Variants in DDX60L observed in about 807,000 individuals in gnomAD.
DDX60L encodes DExD/H-box 60 like.
A neutral mutation model predicts 211.6 loss-of-function variants in DDX60L; 191 were observed. The ratio of observed to expected loss-of-function variants is 0.90; its 90% confidence interval spans 0.80 to 1.02. The LOEUF is 1.02. Among genes scored for constraint, DDX60L ranks in the 50% least tolerant of loss-of-function variants. The pLI is 0.00. For missense variants in DDX60L, 2,007 were observed against 1,984.1 expected, an observed-to-expected ratio of 1.01 and a Z score of -0.22; for synonymous variants, 706 against 694.1, an observed-to-expected ratio of 1.02 and a Z score of -0.27.
intron 33 of DDX60L, 125 bp downstream of exon 33, chr4:168,378,229 G>T: frequency 4.0e-6 from 2 of 504,404 alleles, no homozygotes; most frequent in Non-Finnish European, 6.7e-6. Flanking sequence ...ATTATGAAAA[G>T]ACAACACTAT....
chr4:168,422,978 T>C (rs1361338113), intron 15 of DDX60L, among the ~76,000 whole-genome samples: 1 of 148,924 alleles, frequency 6.7e-6, no homozygotes, highest in East Asian at 1.9e-4. Flanking sequence ...ATTGTGTGTG[T>C]GTGTGTGTGT....
In DDX60L at chr4:168,448,950, C is replaced by T. The variant is rs1755242186; in HGVS notation, c.997-171G>A. On this transcript the variant is annotated intron_variant, in intron 8 of 37. Transcript: ENST00000682922. Reference sequence around the variant, plus strand: ...CTATAAGTCCCCAAACTAATGCTTTCATATCTTTACTTTTAAAACTGGGAA... The same window carrying T: ...CTATAAGTCCCCAAACTAATGCTTTTATATCTTTACTTTTAAAACTGGGAA... Among the ~76,000 whole-genome samples, 3 of 152,136 alleles carry T rather than the reference C, an allele frequency of 2.0e-5. 1 individual carries two copies. The highest frequency in any genetic ancestry group is 2.0e-4 in the Admixed American group (3 of 15,270).
At chr4:168,434,114 G>A (rs927257183) in intron 10 of DDX60L, among the ~76,000 whole-genome samples, 2 of 152,052 alleles carry the variant, frequency 1.3e-5, no homozygotes, top group African/African-American at 4.8e-5. Context: ...ATCTAGTGGT[G>A]TGTGTTTGTG....
At chr4:168,375,281 C>G in intron 34 of DDX60L, 96 bp downstream of exon 34, 1 of 1,356,128 alleles carries the variant, frequency 7.4e-7, no homozygotes. Context: ...TAATAAGCTC[C>G]TTTACCAGCT....
chr4:168,429,891 C>T (rs1035686105), intron 13 of DDX60L, among the ~76,000 whole-genome samples: 2 of 152,164 alleles, frequency 1.3e-5, no homozygotes, highest in African/African-American at 4.8e-5. Flanking sequence ...CCTTTGTCTT[C>T]TATCATGATT....
intron 25 of DDX60L, among the ~76,000 whole-genome samples, chr4:168,402,440 T>A (rs953809671): frequency 2.5e-4 from 38 of 151,876 alleles, no homozygotes; most frequent in Non-Finnish European, 5.0e-4. Flanking sequence ...AAAAAAAAAA[T>A]TCTAGTGAAT....
rs1444510586 is a variant in DDX60L at position 168,379,754 on chromosome 4, A to G, written c.4193T>C (p.Leu1398Ser). The change falls in exon 31 of 38, where the codon TTG becomes TCG. Residue 1398 changes from leucine to serine, a missense_variant. Physicochemically the swap from Leu to Ser is moderately radical, Grantham distance 145 (BLOSUM62 -2). Coordinates refer to ENST00000682922, the MANE Select transcript of DDX60L (RefSeq NM_001012967.3). ...RAMETLKLYFLFSLQLLIKED... is the reference protein window; with the variant it reads ...RAMETLKLYFSFSLQLLIKED... ...TTTGATAAGGAGCTGCAAGGAAAAC[A>G]AAAAGTAAAGTTTCAAAGTCTCCAT... 6.2e-7 allele frequency: 1 copy of G among 1,613,270 alleles called. No homozygotes were observed.
At chr4:168,386,504 T>C (rs1396913171) in intron 29 of DDX60L, among the ~76,000 whole-genome samples, 2 of 150,686 alleles carry the variant, frequency 1.3e-5, no homozygotes, top group Non-Finnish European at 2.9e-5. Flanking sequence ...GCGGTCTTCA[T>C]AATAATCCAG....
intron 13 of DDX60L, 43 bp downstream of exon 13, chr4:168,430,435 A>T: frequency 6.6e-7 from 1 of 1,516,796 alleles, no homozygotes; most frequent in South Asian, 1.4e-5. Flanking sequence ...AGAAAACAAA[A>T]CAACATCAAA....
intron 20 of DDX60L, 48 bp from the exon 21 acceptor site, chr4:168,415,847 T>C: frequency 7.4e-7 from 1 of 1,360,248 alleles, no homozygotes; most frequent in East Asian, 2.7e-5. Context: ...TAGAAGTATT[T>C]ATCAAGAACT....
chr4:168,359,049 G>C (rs1738658422), intron 37 of DDX60L, among the ~76,000 whole-genome samples: 1 of 152,140 alleles, frequency 6.6e-6, no homozygotes, highest in African/African-American at 2.4e-5. Flanking sequence ...ATAGAAGCTG[G>C]GGTGAATGAG....
chr4:168,358,524 C>CTTTTTTT (rs70961514), intron 37 of DDX60L, among the ~76,000 whole-genome samples: 47 of 108,294 alleles, frequency 4.3e-4, no homozygotes, highest in Non-Finnish European at 5.0e-4. Context: ...TTTTCTTTTT[C>CTTTTTTT]TTTTTTTTTT....
chr4:168,466,543 A>G (rs1233773224), intron 4 of DDX60L, among the ~76,000 whole-genome samples: 1 of 152,196 alleles, frequency 6.6e-6, no homozygotes, highest in Non-Finnish European at 1.5e-5. Flanking sequence ...TTATGTGATG[A>G]TATTTATCAT....
chr4:168,395,289 GAAAT>G (rs143853404), intron 27 of DDX60L, among the ~76,000 whole-genome samples: 1,666 of 152,256 alleles, frequency 0.011, 34 homozygotes, highest in East Asian at 0.093. Flanking sequence ...TTGTTGGCAA[GAAAT>G]AAATAAGTAA....
chr4:168,365,540 A>T (rs1739825687), intron 36 of DDX60L, among the ~76,000 whole-genome samples: 1 of 151,578 alleles, frequency 6.6e-6, no homozygotes, highest in South Asian at 2.1e-4. Flanking sequence ...GTTTTTCATC[A>T]GAAAAAAAAA....
chr4:168,390,179 T>C, intron 29 of DDX60L: 1 of 1,000,654 alleles, frequency 1.0e-6, no homozygotes, highest in Non-Finnish European at 1.2e-6. Context: ...AGTTCCACTC[T>C]CATTGTGGTC....
intron 15 of DDX60L, among the ~76,000 whole-genome samples, chr4:168,422,991 G>A (rs1473408917): frequency 6.6e-6 from 1 of 150,736 alleles, no homozygotes; most frequent in Admixed American, 6.6e-5. Context: ...GTGTGTGTGT[G>A]TGTGTGTGTT....
chr4:168,381,995 T>C (rs1189327590), intron 30 of DDX60L, among the ~76,000 whole-genome samples: 2 of 152,078 alleles, frequency 1.3e-5, no homozygotes, highest in African/African-American at 4.8e-5. Flanking sequence ...GTGTCGCTGT[T>C]CTCTGTGACT....
intron 4 of DDX60L, among the ~76,000 whole-genome samples, chr4:168,465,163 T>TG (rs1020293498): frequency 6.6e-6 from 1 of 151,942 alleles, no homozygotes; most frequent in Non-Finnish European, 1.5e-5. Context: ...CATTTTTTTT[T>TG]TGTCTTTTTG....
Sources: allele counts gnomAD v4.1 joint callset (sites outside exome capture counted in the v4.1 genomes callset), GRCh38; gene constraint gnomAD v4.1.1; transcripts MANE v1.5; gene names NCBI Gene and HGNC (gene_info 2026-07-23, HGNC 2026-07-21).